Variants in EYA2 observed in about 807,000 individuals in gnomAD.
The protein encoded by EYA2 is EYA transcriptional coactivator and phosphatase 2, also known as protein phosphatase EYA2.
Under a neutral mutation model 69.2 loss-of-function variants are expected in EYA2, and 31 were observed. The ratio of observed to expected loss-of-function variants is 0.45; its 90% CI spans 0.34 to 0.60. The LOEUF (loss-of-function observed/expected upper bound fraction) is 0.60, where lower values mean the gene tolerates loss of function less well. Ranked by LOEUF, EYA2 falls within the 20% of genes least tolerant of loss-of-function variation. The pLI is 0.02. For synonymous variants in EYA2, 257 were observed against 279.4 expected (o/e 0.92, Z 0.80); for missense variants, 622 against 701.2 (o/e 0.89, Z 1.28).
intron 5 of EYA2, among the ~76,000 whole-genome samples, chr20:47,021,408 T>C (rs1983737255): frequency 6.6e-6 from 1 of 151,768 alleles, no homozygotes; most frequent in Non-Finnish European, 1.5e-5. Context: ...GGGCGGATCA[T>C]CTGAGCTCAG....
intron 1 of EYA2, among the ~76,000 whole-genome samples, chr20:46,947,898 C>G (rs1262312920): frequency 1.3e-5 from 2 of 152,106 alleles, no homozygotes; most frequent in Non-Finnish European, 2.9e-5. Flanking sequence ...GGGAGGATCT[C>G]TTAAAGCTAG....
At chr20:47,081,625 A>C (rs1188302710) in intron 7 of EYA2, among the ~76,000 whole-genome samples, 2 of 151,594 alleles carry the variant, frequency 1.3e-5, no homozygotes. Flanking sequence ...CTAAAAATAC[A>C]AAAATTAGCC....
chr20:47,156,557 C>T (rs2146624506), intron 10 of EYA2, among the ~76,000 whole-genome samples: 1 of 151,836 alleles, frequency 6.6e-6, no homozygotes, highest in Admixed American at 6.5e-5. Flanking sequence ...GACACATGAG[C>T]CTGGTTGCTA....
At chr20:47,139,576 T>C (rs373526502) in intron 9 of EYA2, among the ~76,000 whole-genome samples, 1 of 152,168 alleles carries the variant, frequency 6.6e-6, no homozygotes, top group Non-Finnish European at 1.5e-5. Flanking sequence ...ATTACAGGCA[T>C]GCGCCACCAC....
At position 47,172,695 on chromosome 20, in the gene EYA2, C is replaced by T; in HGVS notation, c.1038-12C>T. 5 of 1,601,804 alleles carry T rather than the reference C, an allele frequency of 3.1e-6. No individual in the cohort carries two copies. Among genetic ancestry groups the T allele is most frequent in the Non-Finnish European group, 4.3e-6 (5 of 1,173,700 alleles). On this transcript the variant is annotated splice_polypyrimidine_tract_variant and intron_variant, in intron 11 of 15. Transcript: ENST00000327619. Reference sequence around the variant, plus strand: ...CTGCACTAACACTGTCCCTCCCCTCCTCTCTCCGCAGCACATACAACTTCT... The same window carrying T: ...CTGCACTAACACTGTCCCTCCCCTCTTCTCTCCGCAGCACATACAACTTCT...
intron 10 of EYA2, among the ~76,000 whole-genome samples, chr20:47,161,959 G>C (rs2034077177): frequency 6.6e-6 from 1 of 152,148 alleles, no homozygotes; most frequent in Non-Finnish European, 1.5e-5. Flanking sequence ...GAAACTTACT[G>C]TCCCACAGTT....
intron 1 of EYA2, among the ~76,000 whole-genome samples, chr20:46,969,394 A>T (rs186267158): frequency 6.6e-6 from 1 of 152,182 alleles, no homozygotes; most frequent in Admixed American, 6.5e-5. Context: ...ATTGCCAGGA[A>T]TTAAATCAGT....
intron 4 of EYA2, among the ~76,000 whole-genome samples, chr20:47,011,618 T>C (rs1291921463): frequency 7.0e-6 from 1 of 142,416 alleles, no homozygotes. Context: ...TCCCTCTGCC[T>C]GGACAGGTAT....
intron 15 of EYA2, 71 bp from the exon 16 acceptor site, chr20:47,187,982 T>C (rs1315594015): frequency 3.3e-6 from 5 of 1,498,648 alleles, no homozygotes; most frequent in Non-Finnish European, 4.5e-6. Context: ...TCACATGCCC[T>C]CTAACCACAG....
In EYA2 at chr20:47,074,165, C is replaced by T; in HGVS notation, c.491C>T (p.Pro164Leu). The T allele has an allele frequency of 6.2e-7, 1 of 1,610,698 alleles. No individual in the cohort carries two copies. Among genetic ancestry groups the T allele is most frequent in the Non-Finnish European group, 8.5e-7 (1 of 1,177,762 alleles). ...AGFGSVHQDY[P>L]SYPGFPQSQY... ...TTGTTTTTCTCTTCCCAGGACTATC[C>T]TTCCTACCCCGGCTTCCCCCAGAGC... is the stretch of plus-strand genomic sequence containing the variant. The change falls in exon 7 of 16, where the codon CCT becomes CTT. Residue 164 changes from proline to leucine, a missense_variant. This residue lies in a region of EYA2 where 365 missense variants were observed against 349.7 expected (regional missense o/e 1.04). Transcript: ENST00000327619.
chr20:46,924,669 C>CAAAAAAAAAAAAAAAAAAAAAAAAA, intron 1 of EYA2, among the ~76,000 whole-genome samples: 1 of 88,364 alleles, frequency 1.1e-5, no homozygotes, highest in Non-Finnish European at 2.1e-5. Flanking sequence ...GACTCCATCT[C>CAAAAAAAAAAAAAAAAAAAAAAAAA]AAAAAAAAAA....
chr20:46,930,669 T>TA (rs34484658), intron 1 of EYA2, among the ~76,000 whole-genome samples: 4 of 152,186 alleles, frequency 2.6e-5, no homozygotes, highest in Non-Finnish European at 2.9e-5. Context: ...TGTCATAAAC[T>TA]AAAAAAAGGC....
Position 47,053,396 on chromosome 20 carries a change from C to T in EYA2, c.416-18789C>T, listed in dbSNP as rs550090333. Among the ~76,000 whole-genome samples the T allele has an allele frequency of 1.3e-4, 20 of 152,192 alleles. No homozygotes were observed. The South Asian group carries it at 2.1e-3, about 16-fold the overall frequency. On this transcript the variant is annotated intron_variant, in intron 5 of 15. Coordinates refer to ENST00000327619, the MANE Select transcript of EYA2 (RefSeq NM_005244.5). ...AAGAGTAACATTCGGCCGGGTGCAGCGGCTCATGCCTGTAATCCCAGCACT... is the reference window on the plus strand; with the variant it reads ...AAGAGTAACATTCGGCCGGGTGCAGTGGCTCATGCCTGTAATCCCAGCACT...
chr20:47,147,163 C>T (rs915518844), intron 10 of EYA2, among the ~76,000 whole-genome samples: 1 of 151,354 alleles, frequency 6.6e-6, no homozygotes, highest in Non-Finnish European at 1.5e-5. Context: ...ATTCTCCTGC[C>T]TCAGCCTCCC....
chr20:47,140,280 G>A (rs1232475519), intron 9 of EYA2, among the ~76,000 whole-genome samples: 1 of 152,038 alleles, frequency 6.6e-6, no homozygotes, highest in African/African-American at 2.4e-5. Flanking sequence ...ATTTTTCACT[G>A]AGTACCCTGC....
At chr20:47,156,063 TACACACACACACAC>T (rs1160203854) in intron 10 of EYA2, among the ~76,000 whole-genome samples, 2 of 45,626 alleles carry the variant, frequency 4.4e-5, no homozygotes, top group African/African-American at 2.6e-4. Context: ...TATATATACA[TACACACACACACAC>T]ATATATATAC....
Position 47,188,440 on chromosome 20 carries a change from A to T in EYA2, c.*307A>T, listed in dbSNP as rs917256052. ...TTGCTGATTTGGGGGGTGCCTGGTG[A>T]TGAGGAGGGGATGGGTTTGTCTTGT... On this transcript the variant is annotated 3_prime_UTR_variant, in exon 16 of 16. Coordinates refer to ENST00000327619, the MANE Select transcript of EYA2 (RefSeq NM_005244.5). 1 of 560,162 alleles carries T rather than the reference A, an allele frequency of 1.8e-6. No homozygotes were observed. Among genetic ancestry groups the T allele is most frequent in the African/African-American group, 1.9e-5 (1 of 53,658 alleles). 34.7% of individuals were successfully genotyped at this position (560,162 alleles called of 1,614,324 possible).
chr20:46,942,406 C>T (rs1297122331), intron 1 of EYA2, among the ~76,000 whole-genome samples: 1 of 151,940 alleles, frequency 6.6e-6, no homozygotes, highest in Non-Finnish European at 1.5e-5. Context: ...CAGGGTATTG[C>T]TGTGTTGTAC....
At chr20:47,120,806 G>T (rs979388091) in intron 9 of EYA2, among the ~76,000 whole-genome samples, 10 of 125,266 alleles carry the variant, frequency 8.0e-5, no homozygotes, top group East Asian at 3.2e-4. Context: ...GATAGCTAAA[G>T]ATGAATATTT....
Sources: gnomAD v4.1 joint callset for allele counts (sites outside exome capture counted in the v4.1 genomes callset) on GRCh38, gnomAD v4.1.1 for gene constraint, gnomAD v4.1.1 regional missense constraint, MANE v1.5 for transcripts, NCBI Gene and HGNC (gene_info 2026-07-23, HGNC 2026-07-21) for gene names.